MSH6: variants seen among roughly 807,000 people sequenced by gnomAD.
MSH6 encodes the protein DNA mismatch repair protein Msh6.
In MSH6, 85 loss-of-function variants were observed where a neutral mutation model predicts 119.1. The observed-to-expected ratio is 0.71, with a 90% CI of 0.60 to 0.85. The LOEUF (loss-of-function observed/expected upper bound fraction) is 0.85. MSH6 is among the 40% of genes least tolerant of loss of function. MSH6 has a pLI of 0.00. For missense variants in MSH6, 2,163 were observed against 1,655.3 expected, an observed-to-expected ratio of 1.31 and a Z score of -5.32; for synonymous variants, 830 against 586.9, an observed-to-expected ratio of 1.41 and a Z score of -5.99.
chr2:47,806,691 T>C, intron 9 of MSH6, 40 bp downstream of exon 9: 1 of 1,591,352 alleles, frequency 6.3e-7, no homozygotes. Flanking sequence ...CTAACTGACC[T>C]TAAGTTTCAA....
At chr2:47,784,189 G>T (rs1668204882) in intron 1 of MSH6, 1 of 1,005,142 alleles carries the variant, frequency 9.9e-7, no homozygotes, top group African/African-American at 1.7e-5. Flanking sequence ...CTAATTGGGC[G>T]GGGCGGGGCC....
intron 1 of MSH6, chr2:47,789,381 A>G (rs1238086053): frequency 1.6e-5 from 7 of 432,046 alleles, no homozygotes; most frequent in Non-Finnish European, 3.3e-5. Context: ...CAAAACTGAT[A>G]ATGGTTGGAT....
At chr2:47,795,062 G>C (rs1037314523) in intron 2 of MSH6, among the ~76,000 whole-genome samples, 1 of 152,078 alleles carries the variant, frequency 6.6e-6, no homozygotes, top group Non-Finnish European at 1.5e-5. Context: ...CAGAGTGCTG[G>C]GATTACAGGT....
chr2:47,788,246 C>CTTTTTTTTTTTTTTTT (rs560110301), intron 1 of MSH6, among the ~76,000 whole-genome samples: 46 of 90,052 alleles, frequency 5.1e-4, no homozygotes, highest in South Asian at 7.7e-4. Context: ...TTCTTTCTTT[C>CTTTTTTTTTTTTTTTT]TTTTTTTTTT....
chr2:47,803,362 C>A (rs1669724627), intron 4 of MSH6, 58 bp from the exon 5 acceptor site: 1 of 1,610,794 alleles, frequency 6.2e-7, no homozygotes, highest in Non-Finnish European at 8.5e-7. Flanking sequence ...CTATAAAACA[C>A]TTAGGCTGAT....
chr2:47,783,960 C>G, intron 1 of MSH6: 1 of 1,038,248 alleles, frequency 9.6e-7, no homozygotes, highest in South Asian at 4.6e-5. Context: ...GGGGAGAGTC[C>G]GGTGGTGTGG....
chr2:47,808,715 T>G, downstream of MSH6: 1 of 344,766 alleles, frequency 2.9e-6, no homozygotes, highest in East Asian at 4.9e-5. Flanking sequence ...TTTGGAGGCG[T>G]GAAGAGTCAA....
At chr2:47,795,824 G>C (rs2104224432) in intron 2 of MSH6, 70 bp from the exon 3 acceptor site, 2 of 1,396,034 alleles carry the variant, frequency 1.4e-6, no homozygotes, top group Non-Finnish European at 2.0e-6. Flanking sequence ...GGCTGGTCTT[G>C]AACTGCTGGG....
At position 47,783,223 on chromosome 2, in the gene MSH6, C is replaced by CGGCTGTCG. The variant is rs760027265; in HGVS notation, c.-9_-2dup. On this transcript the variant is annotated 5_prime_UTR_variant, in exon 1 of 10. Transcript: ENST00000234420. ...GTCCGACAGAACGGTTGGGCCTTGC[C>CGGCTGTCG]GGCTGTCGGTATGTCGCGACAGAGC... 1.1e-5 allele frequency: 18 copies of CGGCTGTCG among 1,611,194 alleles called. No homozygotes were observed. The African/African-American group carries it at 2.0e-4, about 18-fold the overall frequency.
chr2:47,797,984 A>G, intron 3 of MSH6: 1 of 207,132 alleles, frequency 4.8e-6, no homozygotes. Flanking sequence ...CCCCATACCC[A>G]CTCTGCTTCC....
rs397515875 is a variant in MSH6, at chr2:47,803,419, G to T, written c.3173-1G>T. Reference sequence around the variant, plus strand: ...CTCACTTTTACCCTCTCTTTTAACAGATGTTTTACTGTGCCTGGCTAACTA... The same window carrying T: ...CTCACTTTTACCCTCTCTTTTAACATATGTTTTACTGTGCCTGGCTAACTA... On this transcript the variant is annotated splice_acceptor_variant, in intron 4 of 9. Transcript: ENST00000234420. LOFTEE classifies it high-confidence loss of function. 6.2e-7 allele frequency: 1 copy of T among 1,614,190 alleles called. No individual in the cohort carries two copies. The highest frequency in any genetic ancestry group is 8.5e-7 in the Non-Finnish European group (1 of 1,180,044).
chr2:47,794,430 C>T (rs565751520), intron 2 of MSH6, among the ~76,000 whole-genome samples: 2 of 151,942 alleles, frequency 1.3e-5, no homozygotes, highest in Non-Finnish European at 2.9e-5. Flanking sequence ...CACCACCACA[C>T]CTGGCTAATT....
rs566723808 is a variant in MSH6 at position 47,793,568 on chromosome 2, C to G, written c.458-2326C>G. 1.1e-3 allele frequency among the ~76,000 whole-genome samples: 163 copies of G among 151,178 alleles called. 1 individual carries two copies. Among genetic ancestry groups the G allele is most frequent in the Admixed American group, 2.2e-3 (33 of 15,176 alleles). On this transcript the variant is annotated intron_variant, in intron 2 of 9. Coordinates refer to ENST00000234420, the MANE Select transcript of MSH6 (RefSeq NM_000179.3). The stretch of plus-strand genomic sequence containing the variant: ...GTTGCAGTGAGCCGAGATCGCGCCA[C>G]TGCACTCCAGCCTGGGGAACGGAGT...
chr2:47,790,700 A>T lies in MSH6; in HGVS notation c.261-227A>T, dbSNP rs898836039. ...TGATTCTGAGAAAGTTTCTCACCCT[A>T]ATAACATAACTATATTTGTGTTTGT... On this transcript the variant is annotated intron_variant, in intron 1 of 9. Transcript: ENST00000234420. Among the ~76,000 whole-genome samples, 34 of 152,288 alleles carry T rather than the reference A, an allele frequency of 2.2e-4. No individual in the cohort carries two copies. The East Asian group carries it at 2.5e-3, about 11-fold the overall frequency.
intron 2 of MSH6, among the ~76,000 whole-genome samples, chr2:47,792,846 GTTTTTTTT>G (rs11335797): frequency 2.6e-5 from 3 of 114,428 alleles, no homozygotes; most frequent in East Asian, 2.7e-4. Flanking sequence ...TTTTTATATA[GTTTTTTTT>G]TTTTTTTTTT....
intron 6 of MSH6, among the ~76,000 whole-genome samples, chr2:47,805,304 C>G (rs964063169): frequency 4.1e-4 from 63 of 152,018 alleles, no homozygotes; most frequent in African/African-American, 1.1e-3. Flanking sequence ...CTCAGCCTCT[C>G]GAGTAGCTGG....
chr2:47,799,172 T>C lies in MSH6; in HGVS notation c.1189T>C (p.Tyr397His), dbSNP rs587779913. 1.2e-5 allele frequency: 19 copies of C among 1,614,184 alleles called. No individual in the cohort carries two copies. The highest frequency in any genetic ancestry group is 1.4e-5 in the Non-Finnish European group (17 of 1,180,016). Residue 397 changes from tyrosine (Y) to histidine (H), a missense_variant, in exon 4 of 10, where the codon TAT (tyrosine) becomes CAT (histidine). Physicochemically the swap from Tyr to His is moderately conservative, Grantham distance 83 (BLOSUM62 2). Transcript: ENST00000234420. ...CCCCGATTTTGATGCATCTACACTC[T>C]ATGTGCCTGAGGATTTCCTCAATTC... ...DHPDFDASTL[Y>H]VPEDFLNSCT...
At chr2:47,788,838 C>T (rs1421640713) in intron 1 of MSH6, among the ~76,000 whole-genome samples, 15 of 146,350 alleles carry the variant, frequency 1.0e-4, no homozygotes, top group African/African-American at 3.7e-4. Flanking sequence ...TCCCAAAATG[C>T]TGGGATTATA....
chr2:47,801,882 C>G (rs1669621885), intron 4 of MSH6, among the ~76,000 whole-genome samples: 1 of 152,112 alleles, frequency 6.6e-6, no homozygotes, highest in Non-Finnish European at 1.5e-5. Context: ...CTCCTGGCCT[C>G]AAGTGATCCT....
Sources: gnomAD v4.1 joint callset for allele counts (sites outside exome capture counted in the v4.1 genomes callset) on GRCh38, gnomAD v4.1.1 for gene constraint, MANE v1.5 for transcripts, NCBI Gene and HGNC (gene_info 2026-07-23, HGNC 2026-07-21) for gene names.